The following EBPL variants were observed in gnomAD, a reference collection of about 807,000 sequenced individuals.
EBPL encodes EBP like, also known as emopamil-binding protein-like.
In EBPL, 20 loss-of-function variants were observed where a neutral mutation model predicts 19.0. The observed-to-expected ratio is 1.05, with a 90% CI of 0.74 to 1.53. The LOEUF (loss-of-function observed/expected upper bound fraction) is 1.53, where lower values mean the gene tolerates loss of function less well. EBPL is among the 40% of genes most tolerant of loss of function. The pLI is 0.00. For synonymous variants in EBPL, 107 were observed against 117.0 expected (o/e 0.91, Z 0.55); for missense variants, 219 against 261.1 (o/e 0.84, Z 1.11).
chr13:49,669,998 G>C, intron 1 of EBPL, 152 bp from the exon 2 acceptor site: 1 of 641,808 alleles, frequency 1.6e-6, no homozygotes, highest in Non-Finnish European at 2.8e-6. Context: ...AACCTTGTGG[G>C]ATACAATCTT....
chr13:49,663,917 T>C (rs1594403443), intron 2 of EBPL, among the ~76,000 whole-genome samples: 1 of 129,760 alleles, frequency 7.7e-6, no homozygotes, highest in Non-Finnish European at 1.6e-5. Context: ...AGAGCGAGAC[T>C]CCGTCTCAAA....
At chr13:49,666,062 AAGG>A (rs1481225663) in intron 2 of EBPL, among the ~76,000 whole-genome samples, 1 of 152,220 alleles carries the variant, frequency 6.6e-6, no homozygotes. Flanking sequence ...TGGCCCGGGA[AAGG>A]AGGACATCTC....
At chr13:49,668,537 GT>G (rs1393121547) in intron 2 of EBPL, 1 of 350,446 alleles carries the variant, frequency 2.9e-6, no homozygotes, top group African/African-American at 2.3e-5. Context: ...TGGTGCCACT[GT>G]GCTCCAGCCT....
intron 2 of EBPL, among the ~76,000 whole-genome samples, chr13:49,665,228 A>C (rs1965209653): frequency 1.3e-5 from 2 of 151,300 alleles, no homozygotes; most frequent in Admixed American, 1.3e-4. Flanking sequence ...CTCCAGCCTC[A>C]GCCTCCCAAA....
intron 1 of EBPL, among the ~76,000 whole-genome samples, chr13:49,681,079 G>A (rs1241279518): frequency 6.6e-6 from 1 of 152,052 alleles, no homozygotes; most frequent in African/African-American, 2.4e-5. Context: ...AACCCAGAGG[G>A]TGATGAGGAA....
At chr13:49,686,581 CTTTCCCACTCTCTCCTAGGATA>C (rs1954001308) in intron 1 of EBPL, 1 of 1,289,634 alleles carries the variant, frequency 7.8e-7, no homozygotes, top group Admixed American at 2.3e-5. Context: ...GGTTCGTGGT[CTTTCCCACTCTCTCCTAGGATA>C]GATATTTTAA....
At chr13:49,672,432 G>A (rs562547346) in intron 1 of EBPL, among the ~76,000 whole-genome samples, 222 of 152,236 alleles carry the variant, frequency 1.5e-3, no homozygotes, top group Admixed American at 2.1e-3. Context: ...ACAGAAACTT[G>A]CTCACTTGTC....
intron 1 of EBPL, among the ~76,000 whole-genome samples, chr13:49,675,287 C>T (rs6561550): frequency 0.85 from 128,960 of 152,206 alleles, 54,772 homozygotes; most frequent in South Asian, 0.92. Flanking sequence ...TATTTGTGCA[C>T]CTAAACACAG....
At chr13:49,662,990 G>C in intron 3 of EBPL, 67 bp downstream of exon 3, 1 of 1,590,124 alleles carries the variant, frequency 6.3e-7, no homozygotes, top group Non-Finnish European at 8.6e-7. Context: ...CTACTCCAAA[G>C]GTCACCTAAG....
intron 1 of EBPL, among the ~76,000 whole-genome samples, chr13:49,673,960 A>AACACACACACACAC (rs1953846518): frequency 3.0e-5 from 1 of 33,406 alleles, no homozygotes; most frequent in Non-Finnish European, 8.3e-5. Flanking sequence ...TATGGAACTT[A>AACACACACACACAC]ATACACACAC....
At position 49,663,199 on chromosome 13, in the gene EBPL, A is replaced by C; in HGVS notation, c.242-4T>G. 1.2e-6 allele frequency: 2 copies of C among 1,613,632 alleles called. No individual in the cohort carries two copies. Among genetic ancestry groups the C allele is most frequent in the Non-Finnish European group, 1.7e-6 (2 of 1,179,584 alleles). On this transcript the variant is annotated splice_polypyrimidine_tract_variant and splice_region_variant and intron_variant, in intron 2 of 3. Coordinates refer to ENST00000242827, the MANE Select transcript of EBPL (RefSeq NM_032565.5). ...TCAGCTTTGCCATATTCTTTCCCTA[A>C]AGACAAAATCCATGTTGTTACTCAA...
At chr13:49,689,028 A>G (rs576674426) in intron 1 of EBPL, among the ~76,000 whole-genome samples, 3 of 152,200 alleles carry the variant, frequency 2.0e-5, no homozygotes, top group Admixed American at 6.5e-5. Flanking sequence ...TGGTTAAGTG[A>G]TCGTATTCAT....
chr13:49,686,734 C>G (rs1243534241), intron 1 of EBPL: 1 of 774,634 alleles, frequency 1.3e-6, no homozygotes, highest in African/African-American at 1.8e-5. Context: ...CCAGCACTCT[C>G]TCTTCTGCCC....
chr13:49,670,259 G>A (rs978780931), intron 1 of EBPL, among the ~76,000 whole-genome samples: 1 of 152,224 alleles, frequency 6.6e-6, no homozygotes, highest in South Asian at 2.1e-4. Context: ...AGATCTTAAA[G>A]AGAAAGGCAA....
intron 1 of EBPL, among the ~76,000 whole-genome samples, chr13:49,685,656 C>T (rs534318192): frequency 5.3e-5 from 8 of 152,204 alleles, no homozygotes; most frequent in Admixed American, 1.3e-4. Context: ...AGGCGGATCA[C>T]GAGGTCAGGA....
intron 1 of EBPL, among the ~76,000 whole-genome samples, chr13:49,685,361 A>C (rs1448785534): frequency 6.6e-6 from 1 of 152,194 alleles, no homozygotes; most frequent in Admixed American, 6.5e-5. Flanking sequence ...TTAGTCAATA[A>C]ATGGGGCTGA....
chr13:49,672,990 C>T (rs1450787690), intron 1 of EBPL, among the ~76,000 whole-genome samples: 1 of 151,996 alleles, frequency 6.6e-6, no homozygotes, highest in Non-Finnish European at 1.5e-5. Context: ...AACCGGGAGG[C>T]AGAGATTGCA....
At chr13:49,690,457 TA>T (rs1164470894) in intron 1 of EBPL, among the ~76,000 whole-genome samples, 2 of 143,796 alleles carry the variant, frequency 1.4e-5, no homozygotes, top group Non-Finnish European at 3.0e-5. Flanking sequence ...GGGCATAGTT[TA>T]AAAAAAACTT....
intron 1 of EBPL, among the ~76,000 whole-genome samples, chr13:49,680,861 T>C (rs76111280): frequency 0.016 from 2,396 of 151,706 alleles, 45 homozygotes; most frequent in African/African-American, 0.055. Flanking sequence ...AAAAAATATA[T>C]GTGATACATG....
Sources: gnomAD v4.1 joint callset for allele counts (sites outside exome capture counted in the v4.1 genomes callset) on GRCh38, gnomAD v4.1.1 for gene constraint, MANE v1.5 for transcripts, NCBI Gene and HGNC (gene_info 2026-07-23, HGNC 2026-07-21) for gene names.